Variants in CFAP95 observed in about 807,000 individuals in gnomAD.
The protein encoded by CFAP95 is cilia- and flagella-associated protein 95.
chr9:69,821,225 A>G, the CFAP95 span, among the ~76,000 whole-genome samples: 3 of 152,116 alleles, frequency 2.0e-5, no homozygotes, highest in African/African-American at 7.2e-5. Context: ...TGAGAAAAAG[A>G]TGAGACGAGA....
At chr9:69,834,389 G>A in the CFAP95 span, among the ~76,000 whole-genome samples, 6 of 152,240 alleles carry the variant, frequency 3.9e-5, no homozygotes, top group South Asian at 4.1e-4. Context: ...TGACAGTCCC[G>A]TTTTTCACCA....
the CFAP95 span, chr9:69,820,991 C>T: frequency 1.9e-6 from 3 of 1,613,864 alleles, no homozygotes; most frequent in Non-Finnish European, 2.5e-6. Flanking sequence ...CCTCCGCTCC[C>T]ATCACAAGAA....
the CFAP95 span, among the ~76,000 whole-genome samples, chr9:69,870,318 T>G: frequency 6.6e-6 from 1 of 152,334 alleles, no homozygotes; most frequent in African/African-American, 2.4e-5. Context: ...AATACTTGTG[T>G]ATCAGCCAAG....
the CFAP95 span, chr9:69,885,133 G>A: frequency 6.6e-6 from 1 of 152,158 alleles, no homozygotes; most frequent in Non-Finnish European, 1.5e-5. Context: ...GTATCCAACA[G>A]CCCGTCTAAG....
At chr9:69,895,002 A>T in the CFAP95 span, among the ~76,000 whole-genome samples, 1 of 118,580 alleles carries the variant, frequency 8.4e-6, no homozygotes, top group Non-Finnish European at 1.9e-5. Flanking sequence ...AAAAAAAAGA[A>T]AAAAAAAAAA....
chr9:69,844,462 G>A, the CFAP95 span: 1 of 1,085,854 alleles, frequency 9.2e-7, no homozygotes, highest in Non-Finnish European at 1.3e-6. Flanking sequence ...AAATCTGAAT[G>A]CAATACAGAA....
the CFAP95 span, among the ~76,000 whole-genome samples, chr9:69,878,925 C>A: frequency 5.9e-5 from 9 of 152,246 alleles, no homozygotes; most frequent in Non-Finnish European, 1.2e-4. Context: ...AGGCACATCG[C>A]ATGGCAGAAG....
chr9:69,901,239 G>A, the CFAP95 span, among the ~76,000 whole-genome samples: 449 of 151,488 alleles, frequency 3.0e-3, 1 homozygote, highest in African/African-American at 0.01. Flanking sequence ...CTGGGATCAC[G>A]CCATTCTCCT....
the CFAP95 span, among the ~76,000 whole-genome samples, chr9:69,895,948 G>A: frequency 5.9e-5 from 9 of 152,228 alleles, no homozygotes; most frequent in Non-Finnish European, 1.3e-4. Context: ...GGCGTGAGCT[G>A]CTGCGCCTGG....
chr9:69,877,162 G>T, the CFAP95 span, among the ~76,000 whole-genome samples: 51 of 152,166 alleles, frequency 3.4e-4, no homozygotes, highest in African/African-American at 1.2e-3. Flanking sequence ...TAAGACTAAA[G>T]GTTTAGCCCA....
the CFAP95 span, among the ~76,000 whole-genome samples, chr9:69,835,810 C>A: frequency 6.6e-6 from 1 of 152,186 alleles, no homozygotes; most frequent in Non-Finnish European, 1.5e-5. Context: ...GACAAAGATG[C>A]TGGTTTCTTT....
chr9:69,873,936 T>C, the CFAP95 span, among the ~76,000 whole-genome samples: 2 of 152,206 alleles, frequency 1.3e-5, no homozygotes, highest in African/African-American at 4.8e-5. Flanking sequence ...GATAACTCCA[T>C]TATCAGACAC....
chr9:69,842,009 A>G, the CFAP95 span, among the ~76,000 whole-genome samples: 1 of 152,182 alleles, frequency 6.6e-6, no homozygotes, highest in Non-Finnish European at 1.5e-5. Context: ...ATCACCCCCT[A>G]TTCCCAGGGT....
chr9:69,866,586 C>T, the CFAP95 span, among the ~76,000 whole-genome samples: 1 of 152,178 alleles, frequency 6.6e-6, no homozygotes, highest in African/African-American at 2.4e-5. Flanking sequence ...TGCCTACCTA[C>T]ACTGGTGAGG....
At chr9:69,852,162 TA>T in the CFAP95 span, among the ~76,000 whole-genome samples, 1 of 147,998 alleles carries the variant, frequency 6.8e-6, no homozygotes, top group Non-Finnish European at 1.5e-5. Context: ...AGCCTTTGTA[TA>T]TATTTTTTTT....
chr9:69,895,460 T>C, the CFAP95 span, among the ~76,000 whole-genome samples: 1 of 151,642 alleles, frequency 6.6e-6, no homozygotes, highest in African/African-American at 2.4e-5. Context: ...CTTTCCAAGC[T>C]CTCTGGCTCT....
At chr9:69,862,315 A>C in the CFAP95 span, among the ~76,000 whole-genome samples, 1 of 152,176 alleles carries the variant, frequency 6.6e-6, no homozygotes, top group Non-Finnish European at 1.5e-5. Flanking sequence ...AGCCCTTATT[A>C]GTTTGAATTG....
At chr9:69,889,959 A>T in the CFAP95 span, among the ~76,000 whole-genome samples, 7 of 152,182 alleles carry the variant, frequency 4.6e-5, no homozygotes, top group African/African-American at 1.7e-4. Context: ...AACTGCCAAA[A>T]TGCTAGCACA....
At chr9:69,886,200 C>G in the CFAP95 span, among the ~76,000 whole-genome samples, 3 of 152,126 alleles carry the variant, frequency 2.0e-5, no homozygotes, top group Non-Finnish European at 2.9e-5. Flanking sequence ...GTTCAAGTAA[C>G]CCTTATTATA....
Sources: allele counts gnomAD v4.1 joint callset (sites outside exome capture counted in the v4.1 genomes callset), GRCh38; gene constraint gnomAD v4.1.1; transcripts MANE v1.5; gene names NCBI Gene and HGNC (gene_info 2026-07-23, HGNC 2026-07-21).